Variants in NR2F1-AS1 observed in about 807,000 individuals in gnomAD.
The protein encoded by NR2F1-AS1 is NR2F1 regulatory antisense RNA 1, also known as NR2F1 antisense RNA 1.
chr5:93,547,677 T>A (rs1042066101), intron 4 of NR2F1-AS1, among the ~76,000 whole-genome samples: 1 of 151,986 alleles, frequency 6.6e-6, no homozygotes, highest in Non-Finnish European at 1.5e-5. Flanking sequence ...GCAAGAGAAA[T>A]AAAGAACTAA....
At chr5:93,572,075 G>C (rs1037086302) in intron 1 of NR2F1-AS1, among the ~76,000 whole-genome samples, 8 of 152,228 alleles carry the variant, frequency 5.3e-5, no homozygotes, top group African/African-American at 1.9e-4. Flanking sequence ...GCGGGACCCA[G>C]CTGCCGCGCA....
chr5:93,562,220 G>T lies in NR2F1-AS1; in HGVS notation n.413+1144C>A, dbSNP rs138044266. Among the ~76,000 whole-genome samples, 32 of 146,600 alleles carry T rather than the reference G, an allele frequency of 2.2e-4. No individual in the cohort carries two copies. The East Asian group carries it at 5.6e-3, about 25-fold the overall frequency. ...AAAAAGAAAAGAAAAGAAAAGAAAA[G>T]AAAATAATAAGATAAAGTTAGCAAA... On this transcript the variant is annotated intron_variant and non_coding_transcript_variant, in intron 2 of 5. Coordinates refer to ENST00000660523, the Ensembl canonical transcript of NR2F1-AS1.
chr5:93,435,601 G>GCTC (rs1749416927), intron 4 of NR2F1-AS1, among the ~76,000 whole-genome samples: 1 of 152,176 alleles, frequency 6.6e-6, no homozygotes, highest in Non-Finnish European at 1.5e-5. Flanking sequence ...TACTGGGTAT[G>GCTC]CTCCTGCAGT....
intron 1 of NR2F1-AS1, among the ~76,000 whole-genome samples, chr5:93,564,176 C>T (rs1038210693): frequency 8.4e-6 from 1 of 119,454 alleles, no homozygotes; most frequent in Non-Finnish European, 1.7e-5. Flanking sequence ...AGAATACTTA[C>T]AGCACAGACA....
intron 4 of NR2F1-AS1, among the ~76,000 whole-genome samples, chr5:93,499,169 T>C (rs1212470177): frequency 3.3e-5 from 5 of 152,140 alleles, no homozygotes; most frequent in Admixed American, 2.0e-4. Context: ...ATAAGATACA[T>C]CCTTTAAAAT....
intron 4 of NR2F1-AS1, among the ~76,000 whole-genome samples, chr5:93,455,109 T>A (rs545223682): frequency 6.6e-6 from 1 of 152,246 alleles, no homozygotes; most frequent in East Asian, 1.9e-4. Flanking sequence ...GTGGCTGGCA[T>A]CTGAAGTGAA....
upstream of NR2F1-AS1, chr5:93,584,341 G>A (rs1753185525): frequency 7.4e-5 from 11 of 149,560 alleles, no homozygotes; most frequent in South Asian, 2.0e-3. Context: ...CGCCGCCTCC[G>A]CCCTCGCCGG....
At chr5:93,493,202 A>C (rs1393420759) in intron 4 of NR2F1-AS1, among the ~76,000 whole-genome samples, 3 of 152,134 alleles carry the variant, frequency 2.0e-5, no homozygotes, top group Non-Finnish European at 4.4e-5. Flanking sequence ...CTTGCAGGGT[A>C]TAAGATCAAC....
At chr5:93,511,041 T>C (rs768366451) in intron 4 of NR2F1-AS1, among the ~76,000 whole-genome samples, 8 of 152,210 alleles carry the variant, frequency 5.3e-5, no homozygotes, top group Non-Finnish European at 1.0e-4. Flanking sequence ...TTTCATAAAA[T>C]ATACATACAA....
intron 4 of NR2F1-AS1, among the ~76,000 whole-genome samples, chr5:93,456,510 T>C (rs1749949387): frequency 6.6e-6 from 1 of 152,184 alleles, no homozygotes; most frequent in Admixed American, 6.5e-5. Flanking sequence ...TTTAAAGATG[T>C]TAATTATCCT....
At chr5:93,423,055 T>C (rs551524700) in intron 4 of NR2F1-AS1, 4 of 152,222 alleles carry the variant, frequency 2.6e-5, no homozygotes, top group Non-Finnish European at 5.9e-5. Context: ...CTATGATGTG[T>C]TTATACTTGG....
At chr5:93,515,335 C>G (rs560063717) in intron 4 of NR2F1-AS1, among the ~76,000 whole-genome samples, 4 of 151,690 alleles carry the variant, frequency 2.6e-5, no homozygotes, top group African/African-American at 9.7e-5. Flanking sequence ...ACACTAGAAC[C>G]CTGTGATATA....
upstream of NR2F1-AS1, chr5:93,584,973 G>GGCCCTCGGCGAGCAGCTCGGCT (rs1753202399): frequency 1.1e-6 from 1 of 886,152 alleles, no homozygotes; most frequent in Admixed American, 7.4e-5. Flanking sequence ...CGCGCCCCGC[G>GGCCCTCGGCGAGCAGCTCGGCT]GCCCTCGGCG....
chr5:93,440,889 A>T (rs1222344196), intron 4 of NR2F1-AS1, among the ~76,000 whole-genome samples: 2 of 152,234 alleles, frequency 1.3e-5, no homozygotes, highest in Non-Finnish European at 2.9e-5. Flanking sequence ...TTACAACTGG[A>T]AAGGCCTGTA....
intron 4 of NR2F1-AS1, among the ~76,000 whole-genome samples, chr5:93,513,640 C>T (rs546315720): frequency 1.4e-4 from 22 of 152,076 alleles, no homozygotes; most frequent in African/African-American, 5.3e-4. Flanking sequence ...ACAATAGACA[C>T]TGAGGACTAC....
At position 93,444,182 on chromosome 5, in the gene NR2F1-AS1, T is replaced by C. The variant is rs143231462; in HGVS notation, n.639-48640A>G. Among the ~76,000 whole-genome samples the C allele has an allele frequency of 1.7e-3, 255 of 152,282 alleles. 10 individuals carry two copies. The East Asian group carries it at 0.041, about 24-fold the overall frequency. ...ACCAGCTAACATCATAATGATGGGA[T>C]CAAATTCACACATAACAATATTAAC... On this transcript the variant is annotated intron_variant and non_coding_transcript_variant, in intron 4 of 5. Transcript: ENST00000660523.
chr5:93,557,743 CATTG>C (rs1465736719), intron 2 of NR2F1-AS1, among the ~76,000 whole-genome samples: 3 of 152,108 alleles, frequency 2.0e-5, no homozygotes, highest in East Asian at 3.9e-4. Flanking sequence ...AAGTTTGCCC[CATTG>C]ATTGATTCTT....
intron 4 of NR2F1-AS1, among the ~76,000 whole-genome samples, chr5:93,439,539 C>G (rs879706714): frequency 6.6e-6 from 1 of 152,226 alleles, no homozygotes; most frequent in Non-Finnish European, 1.5e-5. Context: ...CGTGATCCAC[C>G]CGCCTCGGCC....
intron 4 of NR2F1-AS1, among the ~76,000 whole-genome samples, chr5:93,493,411 T>C (rs913185632): frequency 3.3e-5 from 5 of 152,034 alleles, no homozygotes; most frequent in African/African-American, 1.2e-4. Flanking sequence ...TTAAAAGACC[T>C]AAATAAGTGA....
Sources: gnomAD v4.1 joint callset for allele counts (sites outside exome capture counted in the v4.1 genomes callset) on GRCh38, gnomAD v4.1.1 for gene constraint, MANE v1.5 for transcripts, NCBI Gene and HGNC (gene_info 2026-07-23, HGNC 2026-07-21) for gene names.